Variants in HACD3 observed in about 807,000 individuals in gnomAD.
The protein encoded by HACD3 is 3-hydroxyacyl-CoA dehydratase 3.
A neutral mutation model predicts 55.2 loss-of-function variants in HACD3; 30 were observed. The observed-to-expected ratio is 0.54, with a 90% CI of 0.41 to 0.74. HACD3 has a LOEUF of 0.74. Among genes scored for constraint, HACD3 ranks in the 30% least tolerant of loss-of-function variants. HACD3 has a pLI of 0.00. For synonymous variants in HACD3, 141 were observed against 151.7 expected (o/e 0.93, Z 0.52); for missense variants, 363 against 440.1 (o/e 0.82, Z 1.57).
At chr15:65,535,232 C>A (rs2071942930) in intron 1 of HACD3, among the ~76,000 whole-genome samples, 1 of 152,094 alleles carries the variant, frequency 6.6e-6, no homozygotes, top group Non-Finnish European at 1.5e-5. Flanking sequence ...AAAACACAAA[C>A]CCTAAAGACA....
At chr15:65,545,720 C>G (rs1465453039) in intron 1 of HACD3, among the ~76,000 whole-genome samples, 1 of 151,166 alleles carries the variant, frequency 6.6e-6, no homozygotes, top group Admixed American at 6.6e-5. Context: ...TCCCAAAGTG[C>G]TGGGATTACA....
At chr15:65,562,947 AG>A (rs990794635) in intron 6 of HACD3, 63 bp downstream of exon 6, 8 of 1,588,242 alleles carry the variant, frequency 5.0e-6, no homozygotes, top group Admixed American at 3.6e-5. Flanking sequence ...TATTCACCAA[AG>A]GGAGCACTCT....
chr15:65,548,178 T>C (rs74408742), intron 1 of HACD3, among the ~76,000 whole-genome samples: 1,582 of 152,284 alleles, frequency 0.01, 27 homozygotes, highest in African/African-American at 0.036. Flanking sequence ...AACTTAATCC[T>C]TACAGCAGAC....
chr15:65,549,000 T>C (rs1230800115), intron 1 of HACD3, among the ~76,000 whole-genome samples: 1 of 152,204 alleles, frequency 6.6e-6, no homozygotes, highest in African/African-American at 2.4e-5. Context: ...TAGCTGGGAC[T>C]ATAGGTGCAT....
At chr15:65,551,615 TTTAATCTCATTTTTTCTC>T in intron 1 of HACD3, 43 bp from the exon 2 acceptor site, 1 of 1,592,788 alleles carries the variant, frequency 6.3e-7, no homozygotes, top group Non-Finnish European at 8.6e-7. Context: ...AAGCCCCTTG[TTTAATCTCATTTTTTCTC>T]TTCATTAAAA....
rs561135576 is a variant in HACD3, at chr15:65,534,937, G to T, written c.87+4219G>T. ...GAGGGATGGTCACAGAGCAATGGAA[G>T]AATAGAGCCTATTAGCAGACCTATT... On this transcript the variant is annotated intron_variant, in intron 1 of 10. Transcript: ENST00000261875. Among the ~76,000 whole-genome samples, 37 of 152,306 alleles carry T rather than the reference G, an allele frequency of 2.4e-4. No homozygotes were observed. In the East Asian group the frequency reaches 3.9e-3, roughly 16 times the overall value.
At chr15:65,542,448 G>A (rs1209372823) in intron 1 of HACD3, among the ~76,000 whole-genome samples, 3 of 151,856 alleles carry the variant, frequency 2.0e-5, no homozygotes, top group African/African-American at 7.3e-5. Flanking sequence ...ATTTTTTGTA[G>A]AGACAGGGTT....
At chr15:65,531,632 C>T (rs1458954905) in intron 1 of HACD3, among the ~76,000 whole-genome samples, 1 of 151,950 alleles carries the variant, frequency 6.6e-6, no homozygotes, top group African/African-American at 2.4e-5. Context: ...ATGGCGCGAT[C>T]TCGGCTCACC....
intron 1 of HACD3, chr15:65,531,503 T>C (rs901948606): frequency 1.3e-5 from 2 of 152,268 alleles, no homozygotes; most frequent in African/African-American, 4.8e-5. Flanking sequence ...AACTAAAGAT[T>C]CTGGGCTTTG....
chr15:65,566,493 A>G, intron 7 of HACD3: 1 of 164,458 alleles, frequency 6.1e-6, no homozygotes, highest in South Asian at 1.9e-4. Flanking sequence ...AGAGAGAATG[A>G]GGAAGAAACA....
At chr15:65,548,257 C>T (rs982649170) in intron 1 of HACD3, among the ~76,000 whole-genome samples, 1 of 151,986 alleles carries the variant, frequency 6.6e-6, no homozygotes, top group Non-Finnish European at 1.5e-5. Flanking sequence ...TGCCTGTAAT[C>T]CCAGCAGTTT....
At chr15:65,544,355 A>G (rs2072052663) in intron 1 of HACD3, among the ~76,000 whole-genome samples, 1 of 152,140 alleles carries the variant, frequency 6.6e-6, no homozygotes, top group Non-Finnish European at 1.5e-5. Context: ...ATCAAATTGG[A>G]TAGAACTTAA....
At chr15:65,573,440 T>A (rs1439801933) in intron 10 of HACD3, among the ~76,000 whole-genome samples, 1 of 152,076 alleles carries the variant, frequency 6.6e-6, no homozygotes, top group Non-Finnish European at 1.5e-5. Context: ...AAACCCTGTC[T>A]CTACTAAAAG....
intron 4 of HACD3, among the ~76,000 whole-genome samples, chr15:65,557,993 C>T (rs2072210860): frequency 6.7e-6 from 1 of 149,600 alleles, no homozygotes; most frequent in Non-Finnish European, 1.5e-5. Context: ...TAAGCTGCTC[C>T]AGGCTTATCT....
Position 65,557,939 on chromosome 15 carries a change from GTT to G in HACD3, c.370-725_370-724del, listed in dbSNP as rs11360331. Among the ~76,000 whole-genome samples, 869 of 110,372 alleles carry G rather than the reference GTT, an allele frequency of 7.9e-3. 4 individuals are homozygous for G. The highest frequency in any genetic ancestry group is 0.025 in the African/African-American group (781 of 31,716). 72.4% of individuals were successfully genotyped at this position (110,372 alleles called of 152,430 possible). ...GAGAAAGCGCCATCATTATGGGACT[GTT>G]TTTTTTTTTTTTTTTGAGCACTTCC... On this transcript the variant is annotated intron_variant, in intron 4 of 10. Transcript: ENST00000261875.
intron 1 of HACD3, chr15:65,534,338 G>T (rs352486): frequency 0.94 from 143,085 of 152,306 alleles, 67,219 homozygotes; most frequent in Admixed American, 0.96. Flanking sequence ...ATTCTGTCTT[G>T]GATGCTGCAG....
At chr15:65,573,954 A>G (rs2072376648) in intron 10 of HACD3, among the ~76,000 whole-genome samples, 1 of 152,206 alleles carries the variant, frequency 6.6e-6, no homozygotes, top group Non-Finnish European at 1.5e-5. Context: ...GTTCTGATAC[A>G]TTTTAGTGGT....
chr15:65,548,644 C>T (rs1282464825), intron 1 of HACD3, among the ~76,000 whole-genome samples: 1 of 152,018 alleles, frequency 6.6e-6, no homozygotes, highest in African/African-American at 2.4e-5. Flanking sequence ...GCAATAAAAG[C>T]TCACTGCAGC....
chr15:65,564,332 C>T lies in HACD3; in HGVS notation c.650C>T (p.Ser217Phe), dbSNP rs1278459977. The T allele has an allele frequency of 3.7e-6, 6 of 1,613,098 alleles. No individual in the cohort carries two copies. Among genetic ancestry groups the T allele is most frequent in the Non-Finnish European group, 5.1e-6 (6 of 1,179,556 alleles). Residue 217 changes from serine to phenylalanine, a missense_variant, in exon 7 of 11, where the codon TCT becomes TTT. Ser to Phe is a radical substitution (Grantham distance 155). Coordinates refer to ENST00000261875, the MANE Select transcript of HACD3 (RefSeq NM_016395.4). ...GTCACTACGTCACCGGTGCTGCCTT[C>T]TCTGATCCAGGTATTGAATAGTTAA... is the stretch of plus-strand genomic sequence containing the variant. ...IGVTTSPVLPSLIQLLGRNFI... is the reference protein window; with the variant it reads ...IGVTTSPVLPFLIQLLGRNFI...
Sources: gnomAD v4.1 joint callset for allele counts (sites outside exome capture counted in the v4.1 genomes callset) on GRCh38, gnomAD v4.1.1 for gene constraint, MANE v1.5 for transcripts, NCBI Gene and HGNC (gene_info 2026-07-23, HGNC 2026-07-21) for gene names.